GRID2: variants seen among roughly 807,000 people sequenced by gnomAD.
The protein encoded by GRID2 is glutamate ionotropic receptor delta type subunit 2.
Under a neutral mutation model 114.8 loss-of-function variants are expected in GRID2, and 33 were observed. The observed-to-expected ratio is 0.29, with a 90% CI of 0.22 to 0.38. The LOEUF (loss-of-function observed/expected upper bound fraction) is 0.38, where lower values mean the gene tolerates loss of function less well. Ranked by LOEUF, GRID2 falls within the 10% of genes least tolerant of loss-of-function variation. The pLI is 1.00. For synonymous variants in GRID2, 505 were observed against 449.9 expected (o/e 1.12, Z -1.55); for missense variants, 1,184 against 1,257.7 (o/e 0.94, Z 0.89).
chr4:93,355,844 C>T (rs1761283267), intron 8 of GRID2, among the ~76,000 whole-genome samples: 1 of 152,048 alleles, frequency 6.6e-6, no homozygotes, highest in South Asian at 2.1e-4. Flanking sequence ...CCAATACCTA[C>T]ATGCTACCAC....
At chr4:92,788,028 T>G (rs1016226609) in intron 2 of GRID2, among the ~76,000 whole-genome samples, 2 of 151,734 alleles carry the variant, frequency 1.3e-5, no homozygotes. Context: ...TATATATAAT[T>G]AAACATTCCA....
intron 13 of GRID2, among the ~76,000 whole-genome samples, chr4:93,605,330 T>TA (rs1408976576): frequency 6.6e-5 from 10 of 152,206 alleles, no homozygotes; most frequent in African/African-American, 2.4e-4. Context: ...AGCATAGACA[T>TA]AGAACACTGC....
In GRID2 at chr4:92,583,370, G is replaced by A. The variant is rs564030346; in HGVS notation, c.89-6761G>A. On this transcript the variant is annotated intron_variant, in intron 1 of 15. Transcript: ENST00000282020. ...ATTTGCTAATTGTCATGAATTTGAT[G>A]TATATCCAGCACCTCCTTTCCAACA... Among the ~76,000 whole-genome samples the A allele has an allele frequency of 3.3e-5, 5 of 152,088 alleles. No homozygotes were observed. The South Asian group carries it at 1.0e-3, about 32-fold the overall frequency.
At chr4:92,886,939 AT>A (rs1252895804) in intron 2 of GRID2, among the ~76,000 whole-genome samples, 5 of 151,794 alleles carry the variant, frequency 3.3e-5, no homozygotes, top group African/African-American at 1.2e-4. Flanking sequence ...CCTTGCTATT[AT>A]TTTTTGGGGG....
chr4:92,306,240 C>G (rs375188803), intron 1 of GRID2, among the ~76,000 whole-genome samples: 9 of 152,234 alleles, frequency 5.9e-5, no homozygotes, highest in African/African-American at 1.9e-4. Context: ...CTGTCTGTCT[C>G]TGTGCAAGGG....
intron 4 of GRID2, among the ~76,000 whole-genome samples, chr4:93,160,971 G>C (rs1306063736): frequency 6.6e-6 from 1 of 151,716 alleles, no homozygotes; most frequent in East Asian, 1.9e-4. Flanking sequence ...AAAATGTCCA[G>C]TTGCAAAACT....
chr4:92,567,501 T>C (rs1727392229), intron 1 of GRID2, among the ~76,000 whole-genome samples: 1 of 152,000 alleles, frequency 6.6e-6, no homozygotes, highest in African/African-American at 2.4e-5. Context: ...AGAAGGATAC[T>C]TGGGAATTTG....
intron 11 of GRID2, among the ~76,000 whole-genome samples, chr4:93,476,815 C>G (rs1905721): frequency 0.43 from 65,794 of 151,894 alleles, 15,916 homozygotes; most frequent in African/African-American, 0.64. Flanking sequence ...TATCAATGTT[C>G]TGAAGATATA....
At chr4:92,823,916 T>C (rs1461737652) in intron 2 of GRID2, among the ~76,000 whole-genome samples, 2 of 152,162 alleles carry the variant, frequency 1.3e-5, no homozygotes, top group Admixed American at 6.6e-5. Flanking sequence ...CATCAGTAAT[T>C]CCTTCCAGTG....
At chr4:92,593,307 T>G (rs1728793267) in intron 2 of GRID2, among the ~76,000 whole-genome samples, 1 of 152,036 alleles carries the variant, frequency 6.6e-6, no homozygotes, top group African/African-American at 2.4e-5. Flanking sequence ...TTTATTTTAT[T>G]GTTAGAATTT....
chr4:92,695,758 A>G (rs1256880318), intron 2 of GRID2, among the ~76,000 whole-genome samples: 2 of 152,120 alleles, frequency 1.3e-5, no homozygotes, highest in Non-Finnish European at 2.9e-5. Context: ...CACGTAAAAT[A>G]TTACATTAGG....
intron 1 of GRID2, among the ~76,000 whole-genome samples, chr4:92,369,951 A>G (rs1353462833): frequency 1.3e-5 from 2 of 152,186 alleles, no homozygotes; most frequent in Admixed American, 1.3e-4. Context: ...GGGCTTTAAA[A>G]ATAAATACAG....
At chr4:93,510,154 C>G (rs913194732) in intron 12 of GRID2, among the ~76,000 whole-genome samples, 7 of 152,144 alleles carry the variant, frequency 4.6e-5, no homozygotes, top group African/African-American at 1.7e-4. Context: ...TTTTCTCCCC[C>G]TGAAGAAAAA....
chr4:93,537,996 G>A (rs956581967), intron 13 of GRID2, among the ~76,000 whole-genome samples: 5 of 151,604 alleles, frequency 3.3e-5, no homozygotes, highest in Admixed American at 2.0e-4. Flanking sequence ...TTTCTGCAAC[G>A]TGAAACTATA....
intron 2 of GRID2, among the ~76,000 whole-genome samples, chr4:92,890,678 G>A (rs1041106110): frequency 1.3e-5 from 2 of 152,178 alleles, no homozygotes; most frequent in Non-Finnish European, 2.9e-5. Flanking sequence ...GTGTAAATTA[G>A]TTCAACCGTT....
In GRID2 at chr4:92,783,685, C is replaced by T. The variant is rs149140749; in HGVS notation, c.244+193399C>T. Among the ~76,000 whole-genome samples the T allele has an allele frequency of 4.8e-3, 735 of 152,078 alleles. 9 individuals are homozygous for T. The highest frequency in any genetic ancestry group is 0.017 in the African/African-American group (696 of 41,508). On this transcript the variant is annotated intron_variant, in intron 2 of 15. Transcript: ENST00000282020. ...ATTGCCTGAGGCCAGGAGTTCAGGA[C>T]CAGCCTAGGCAACAAAGTGACACCC...
intron 2 of GRID2, among the ~76,000 whole-genome samples, chr4:92,902,007 G>T (rs923009679): frequency 6.6e-6 from 1 of 151,918 alleles, no homozygotes; most frequent in Non-Finnish European, 1.5e-5. Context: ...GGCTTTGTTT[G>T]TTTGTTTATA....
At chr4:93,005,485 A>G (rs1007363557) in intron 2 of GRID2, among the ~76,000 whole-genome samples, 1 of 152,080 alleles carries the variant, frequency 6.6e-6, no homozygotes, top group South Asian at 2.1e-4. Context: ...AGCAGCAAGC[A>G]TGATCTTTTC....
At chr4:92,889,567 A>G (rs1304695482) in intron 2 of GRID2, among the ~76,000 whole-genome samples, 1 of 152,180 alleles carries the variant, frequency 6.6e-6, no homozygotes, top group Non-Finnish European at 1.5e-5. Flanking sequence ...CTTACACAGG[A>G]TGTGACAGTC....
Sources: allele counts gnomAD v4.1 joint callset (sites outside exome capture counted in the v4.1 genomes callset), GRCh38; gene constraint gnomAD v4.1.1; transcripts MANE v1.5; gene names NCBI Gene and HGNC (gene_info 2026-07-23, HGNC 2026-07-21).